UTS2: variants seen among roughly 807,000 people sequenced by gnomAD.
The protein encoded by UTS2 is urotensin 2, also known as urotensin-2.
In UTS2, 10 loss-of-function variants were observed where a neutral mutation model predicts 12.6. The observed-to-expected ratio is 0.80, with a 90% CI of 0.49 to 1.35. The LOEUF (loss-of-function observed/expected upper bound fraction) is 1.35, where lower values mean the gene tolerates loss of function less well. Ranked by LOEUF, UTS2 falls within the 40% of genes most tolerant of loss-of-function variation. The pLI, the probability that UTS2 is intolerant of heterozygous loss-of-function variation, is 0.00. For synonymous variants in UTS2, 52 were observed against 50.0 expected (o/e 1.04, Z -0.17); for missense variants, 142 against 143.2 (o/e 0.99, Z 0.04).
the UTS2 span, among the ~76,000 whole-genome samples, chr1:7,902,545 G>T: frequency 6.6e-6 from 1 of 152,076 alleles, no homozygotes; most frequent in African/African-American, 2.4e-5. Flanking sequence ...TAAGTTATGG[G>T]GGAAGGGCGT....
At chr1:7,852,560 A>G (rs185845888) in intron 1 of UTS2, among the ~76,000 whole-genome samples, 62 of 152,338 alleles carry the variant, frequency 4.1e-4, no homozygotes, top group African/African-American at 1.5e-3. Context: ...CAACCAGTTC[A>G]TTTAAAGTAA....
At chr1:7,878,788 T>C in the UTS2 span, among the ~76,000 whole-genome samples, 532 of 152,242 alleles carry the variant, frequency 3.5e-3, 3 homozygotes, top group South Asian at 0.018. Flanking sequence ...TTACTTCACC[T>C]GTAGACACAT....
chr1:7,896,843 G>A, the UTS2 span, among the ~76,000 whole-genome samples: 19 of 151,746 alleles, frequency 1.3e-4, no homozygotes, highest in Non-Finnish European at 1.9e-4. Context: ...CTACAGGTGC[G>A]TGCCCCCATG....
the UTS2 span, among the ~76,000 whole-genome samples, chr1:7,862,972 C>T: frequency 1.4e-5 from 2 of 147,074 alleles, no homozygotes; most frequent in African/African-American, 5.1e-5. Flanking sequence ...CCCTGACGGC[C>T]GTTATTTATT....
chr1:7,863,048 G>GTAT, the UTS2 span, among the ~76,000 whole-genome samples: 6 of 36,686 alleles, frequency 1.6e-4, no homozygotes, highest in African/African-American at 4.9e-4. Flanking sequence ...GTATTGTATT[G>GTAT]TATTGTATTG....
At chr1:7,856,403 C>A (rs1638309684), upstream of UTS2, among the ~76,000 whole-genome samples, 1 of 152,156 alleles carries the variant, frequency 6.6e-6, no homozygotes, top group East Asian at 1.9e-4. Context: ...TCAGACAGGG[C>A]CCTCGGGATG....
chr1:7,857,152 T>A (rs1638331938), upstream of UTS2, among the ~76,000 whole-genome samples: 1 of 21,428 alleles, frequency 4.7e-5, no homozygotes, highest in Non-Finnish European at 1.0e-4. Flanking sequence ...AGGTGAAGCA[T>A]GTTGGAAAGA....
chr1:7,863,667 C>A, the UTS2 span, among the ~76,000 whole-genome samples: 44,562 of 152,076 alleles, frequency 0.29, 6,912 homozygotes, highest in Middle Eastern at 0.32. Context: ...TAGCCTGGTG[C>A]ATGGGCTCTG....
chr1:7,894,587 C>T, the UTS2 span, among the ~76,000 whole-genome samples: 44,844 of 152,040 alleles, frequency 0.29, 7,040 homozygotes, highest in Non-Finnish European at 0.34. Context: ...CCCAACCCCC[C>T]GGCCCTGCCC....
At chr1:7,883,650 G>T in the UTS2 span, among the ~76,000 whole-genome samples, 1 of 152,072 alleles carries the variant, frequency 6.6e-6, no homozygotes, top group South Asian at 2.1e-4. Context: ...CACATGTACT[G>T]ATAAATATGC....
At chr1:7,872,232 G>A in the UTS2 span, among the ~76,000 whole-genome samples, 2 of 139,888 alleles carry the variant, frequency 1.4e-5, no homozygotes, top group African/African-American at 2.7e-5. Context: ...CCCAGGAGGC[G>A]GAGGTTGCAG....
chr1:7,857,839 G>GAAACTGGGCA (rs1183846219), upstream of UTS2, among the ~76,000 whole-genome samples: 1 of 124,598 alleles, frequency 8.0e-6, no homozygotes, highest in Non-Finnish European at 1.6e-5. Flanking sequence ...AACAGAGTGA[G>GAAACTGGGCA]ACCCAGTCTC....
At chr1:7,905,822 G>A in the UTS2 span, among the ~76,000 whole-genome samples, 1 of 152,120 alleles carries the variant, frequency 6.6e-6, no homozygotes, top group Non-Finnish European at 1.5e-5. Context: ...TTGAGGTTGG[G>A]CTGACGGTTT....
chr1:7,912,335 A>G, the UTS2 span, among the ~76,000 whole-genome samples: 1 of 152,232 alleles, frequency 6.6e-6, no homozygotes, highest in Admixed American at 6.5e-5. Context: ...AGCTGTATCG[A>G]CTAATGAGGA....
chr1:7,886,312 G>A, the UTS2 span, among the ~76,000 whole-genome samples: 1 of 152,174 alleles, frequency 6.6e-6, no homozygotes, highest in African/African-American at 2.4e-5. Context: ...CTTATAAATT[G>A]GAACAGAGAA....
chr1:7,856,571 G>A (rs543299058), upstream of UTS2, among the ~76,000 whole-genome samples: 215 of 152,384 alleles, frequency 1.4e-3, 1 homozygote, highest in Admixed American at 2.5e-3. Context: ...CAAATAAAGT[G>A]AAGAGAGTCC....
At chr1:7,854,031 A>C (rs1336450540), upstream of UTS2, among the ~76,000 whole-genome samples, 1 of 152,036 alleles carries the variant, frequency 6.6e-6, no homozygotes, top group South Asian at 2.1e-4. Context: ...GGATTTCAAG[A>C]CCAGCCTGGG....
At chr1:7,863,582 T>A in the UTS2 span, among the ~76,000 whole-genome samples, 1 of 152,216 alleles carries the variant, frequency 6.6e-6, no homozygotes, top group African/African-American at 2.4e-5. Flanking sequence ...GTATCCCAAG[T>A]GCCTAGAACA....
the UTS2 span, among the ~76,000 whole-genome samples, chr1:7,892,051 C>T: frequency 2.0e-5 from 3 of 152,176 alleles, no homozygotes; most frequent in Admixed American, 6.5e-5. Flanking sequence ...CTGGGAGGAC[C>T]GGCCAGCGGC....
Sources: allele counts gnomAD v4.1 joint callset (sites outside exome capture counted in the v4.1 genomes callset), GRCh38; gene constraint gnomAD v4.1.1; transcripts MANE v1.5; gene names NCBI Gene and HGNC (gene_info 2026-07-23, HGNC 2026-07-21).